Variants in FANCC observed in about 807,000 individuals in gnomAD.
FANCC encodes the protein Fanconi anemia group C protein.
FANCC carries 55 observed loss-of-function variants against 71.3 expected under a neutral mutation model. The observed-to-expected ratio is 0.77, with a 90% CI of 0.62 to 0.97. The LOEUF (loss-of-function observed/expected upper bound fraction) is 0.97. Ranked by LOEUF, FANCC falls within the 50% of genes least tolerant of loss-of-function variation. The pLI, the probability that FANCC is intolerant of heterozygous loss-of-function variation, is 0.00. For synonymous variants in FANCC, 275 were observed against 244.9 expected, an observed-to-expected ratio of 1.12 and a Z score of -1.15; for missense variants, 678 against 670.9, an observed-to-expected ratio of 1.01 and a Z score of -0.12.
chr9:95,207,539 A>C (rs1588281927), intron 4 of FANCC, among the ~76,000 whole-genome samples: 1 of 152,144 alleles, frequency 6.6e-6, no homozygotes, highest in Non-Finnish European at 1.5e-5. Context: ...CGAGACTCAG[A>C]AAACCAACTT....
chr9:95,286,826 T>A (rs1237301706), intron 1 of FANCC, among the ~76,000 whole-genome samples: 1 of 152,178 alleles, frequency 6.6e-6, no homozygotes, highest in Non-Finnish European at 1.5e-5. Flanking sequence ...ACCTGCAGTA[T>A]TCTTCACAAT....
chr9:95,246,460 T>C (rs1253618384), intron 3 of FANCC, among the ~76,000 whole-genome samples: 2 of 152,250 alleles, frequency 1.3e-5, no homozygotes, highest in African/African-American at 4.8e-5. Flanking sequence ...TGGGTTCTAA[T>C]GTCATTATAT....
rs112121503 is a variant in FANCC at position 95,182,134 on chromosome 9, A to G, written c.346-9987T>C. The stretch of plus-strand genomic sequence containing the variant: ...CAGAGCACGTATATTATGCTTCTCT[A>G]AACAATTTCTTCATCTGATCATTAA... On this transcript the variant is annotated intron_variant, in intron 4 of 14. Transcript: ENST00000289081. 3.6e-3 allele frequency among the ~76,000 whole-genome samples: 553 copies of G among 152,224 alleles called. 2 individuals are homozygous for G. The highest frequency in any genetic ancestry group is 0.013 in the African/African-American group (532 of 41,522).
At chr9:95,151,332 T>TGA (rs1271578496) in intron 6 of FANCC, among the ~76,000 whole-genome samples, 2 of 152,162 alleles carry the variant, frequency 1.3e-5, no homozygotes, top group African/African-American at 4.8e-5. Context: ...CTCCAGTGAA[T>TGA]GATAAATAAA....
chr9:95,117,411 CAA>C (rs751047999), intron 10 of FANCC, 21 bp from the exon 11 acceptor site: 2 of 1,606,314 alleles, frequency 1.2e-6, no homozygotes, highest in East Asian at 4.5e-5. Flanking sequence ...ATGGAAAATC[CAA>C]AGAGCATGAA....
At chr9:95,199,987 T>C (rs1157386917) in intron 4 of FANCC, among the ~76,000 whole-genome samples, 2 of 152,206 alleles carry the variant, frequency 1.3e-5, no homozygotes, top group African/African-American at 2.4e-5. Flanking sequence ...CCATGCAGTA[T>C]AGCTACTGAT....
At chr9:95,116,893 C>G (rs2072465910) in intron 11 of FANCC, among the ~76,000 whole-genome samples, 2 of 152,218 alleles carry the variant, frequency 1.3e-5, no homozygotes, top group African/African-American at 2.4e-5. Flanking sequence ...ATTTCCTCAG[C>G]TTCATCCATC....
chr9:95,104,710 C>T (rs957589730), intron 14 of FANCC, among the ~76,000 whole-genome samples: 1 of 152,160 alleles, frequency 6.6e-6, no homozygotes, highest in Non-Finnish European at 1.5e-5. Context: ...TTTTCTCTCA[C>T]ACCCTGTCGG....
At chr9:95,301,467 G>A (rs995302324) in intron 1 of FANCC, among the ~76,000 whole-genome samples, 6 of 151,766 alleles carry the variant, frequency 4.0e-5, no homozygotes, top group Admixed American at 2.6e-4. Flanking sequence ...TTGTTCTGTC[G>A]CCCAGGCTGG....
chr9:95,121,636 G>T (rs2072887063), intron 10 of FANCC, among the ~76,000 whole-genome samples: 1 of 152,118 alleles, frequency 6.6e-6, no homozygotes. Flanking sequence ...TTTCACAATG[G>T]ACTATGCATA....
At chr9:95,230,556 C>G (rs1829937750) in intron 4 of FANCC, among the ~76,000 whole-genome samples, 2 of 152,062 alleles carry the variant, frequency 1.3e-5, no homozygotes, top group Admixed American at 1.3e-4. Flanking sequence ...GAGTTTGTTC[C>G]TTCAGATGTT....
chr9:95,226,955 C>G (rs915211562), intron 4 of FANCC, among the ~76,000 whole-genome samples: 1 of 152,156 alleles, frequency 6.6e-6, no homozygotes, highest in Non-Finnish European at 1.5e-5. Context: ...AGGGGTCTCT[C>G]GCTTCTACCC....
At chr9:95,234,209 C>CA (rs1830168908) in intron 4 of FANCC, among the ~76,000 whole-genome samples, 2 of 152,066 alleles carry the variant, frequency 1.3e-5, no homozygotes, top group South Asian at 4.2e-4. Flanking sequence ...TAAAAGTTGG[C>CA]AAAAATGTTT....
At chr9:95,160,870 A>G (rs927587586) in intron 6 of FANCC, among the ~76,000 whole-genome samples, 1 of 152,232 alleles carries the variant, frequency 6.6e-6, no homozygotes, top group Non-Finnish European at 1.5e-5. Context: ...ATTTTTGCAC[A>G]CTGATTTTGT....
At position 95,110,408 on chromosome 9, in the gene FANCC, C is replaced by T. The variant is rs574249530; in HGVS notation, c.1329+1055G>A. On this transcript the variant is annotated intron_variant, in intron 13 of 14. Coordinates refer to ENST00000289081, the MANE Select transcript of FANCC (RefSeq NM_000136.3). ...CCGTACATCTTATTACTGTTAAAAA[C>T]ATCAACCAGGATTTTCCTTAGCTTA... The T allele has an allele frequency of 5.9e-6, 6 of 1,024,230 alleles. No homozygotes were observed. The South Asian group carries it at 2.3e-4, about 39-fold the overall frequency. 63.4% of individuals were successfully genotyped at this position (1,024,230 alleles called of 1,614,324 possible).
intron 6 of FANCC, among the ~76,000 whole-genome samples, chr9:95,159,318 T>C (rs940264708): frequency 2.0e-5 from 3 of 152,226 alleles, no homozygotes; most frequent in African/African-American, 7.2e-5. Flanking sequence ...TTGCTCAGAA[T>C]GATGGTTTCC....
At chr9:95,233,504 A>T (rs550775266) in intron 4 of FANCC, among the ~76,000 whole-genome samples, 120 of 152,300 alleles carry the variant, frequency 7.9e-4, no homozygotes, top group African/African-American at 2.7e-3. Context: ...CATTCCAAGG[A>T]GAGGAAAGAA....
At chr9:95,200,482 C>T (rs1188053955) in intron 4 of FANCC, among the ~76,000 whole-genome samples, 1 of 152,108 alleles carries the variant, frequency 6.6e-6, no homozygotes, top group African/African-American at 2.4e-5. Flanking sequence ...TGTAAACTAT[C>T]AAGGAGGTCT....
chr9:95,171,271 G>A, intron 5 of FANCC, 128 bp from the exon 6 acceptor site: 1 of 741,986 alleles, frequency 1.3e-6, no homozygotes, highest in East Asian at 2.7e-5. Context: ...GTTTCACTCT[G>A]TCAGAGTGAA....
Sources: gnomAD v4.1 joint callset for allele counts (sites outside exome capture counted in the v4.1 genomes callset) on GRCh38, gnomAD v4.1.1 for gene constraint, MANE v1.5 for transcripts, NCBI Gene and HGNC (gene_info 2026-07-23, HGNC 2026-07-21) for gene names.